The following RDH13 variants were observed in gnomAD, a reference collection of about 807,000 sequenced individuals.
RDH13 encodes retinol dehydrogenase 13.
Under a neutral mutation model 28.3 loss-of-function variants are expected in RDH13, and 35 were observed. That is an observed-to-expected ratio of 1.24 (90% CI 0.95 to 1.64). The LOEUF (loss-of-function observed/expected upper bound fraction) is 1.64. Among genes scored for constraint, RDH13 ranks in the 40% most tolerant of loss-of-function variants. The pLI is 0.00. For missense variants in RDH13, 514 were observed against 446.3 expected (o/e 1.15, Z -1.37); for synonymous variants, 229 against 198.5 (o/e 1.15, Z -1.29).
At chr19:55,049,087 GC>G (rs1299210435) in intron 3 of RDH13, among the ~76,000 whole-genome samples, 2 of 152,156 alleles carry the variant, frequency 1.3e-5, no homozygotes, top group African/African-American at 4.8e-5. Context: ...GAGGATTATG[GC>G]CCGTCTCACA....
At chr19:55,048,915 CATTA>C (rs1418376815) in intron 3 of RDH13, 152 bp from the exon 4 acceptor site, 3 of 684,282 alleles carry the variant, frequency 4.4e-6, no homozygotes, top group Non-Finnish European at 7.8e-6. Flanking sequence ...AGGATGCGGT[CATTA>C]GGGTGAGCCC....
rs1490141848 is a variant in RDH13 at position 55,045,139 on chromosome 19, C to T, written c.931G>A (p.Ala311Thr). The T allele has an allele frequency of 6.2e-7, 1 of 1,613,616 alleles. No homozygotes were observed. The highest frequency in any genetic ancestry group is 8.5e-7 in the Non-Finnish European group (1 of 1,179,990). ...AAGCCCACCAGGCGGGCACTTTCAG[C>T]CCAAAGCCTCCGGGCCACCTCCTCA... ...EDEEVARRLW[A>T]ESARLVGLEA... Residue 311 changes from alanine (A) to threonine (T), a missense_variant, in exon 7 of 7, where the codon GCT (alanine) becomes ACT (threonine). By Grantham distance (58) the Ala-to-Thr change is moderately conservative. Coordinates refer to ENST00000415061, the MANE Select transcript of RDH13 (RefSeq NM_001145971.2).
chr19:55,069,076 C>G (rs963334998), intron 1 of RDH13, among the ~76,000 whole-genome samples: 1 of 148,258 alleles, frequency 6.7e-6, no homozygotes, highest in African/African-American at 2.5e-5. Context: ...CCGTCACCAC[C>G]CCCCGCCCCG....
downstream of RDH13, among the ~76,000 whole-genome samples, chr19:55,043,511 G>A (rs200033188): frequency 1.9e-3 from 32 of 16,494 alleles, no homozygotes; most frequent in Middle Eastern, 0.057. Context: ...TGGTGATACC[G>A]TCTTTAATTA....
downstream of RDH13, chr19:55,039,391 G>A (rs947430272): frequency 6.6e-6 from 1 of 152,108 alleles, no homozygotes; most frequent in African/African-American, 2.4e-5. Context: ...AATTAGCTGG[G>A]CGTTAAATTA....
chr19:55,049,912 G>A (rs1420264926), intron 3 of RDH13, among the ~76,000 whole-genome samples: 2 of 150,964 alleles, frequency 1.3e-5, no homozygotes, highest in Non-Finnish European at 2.9e-5. Context: ...TTGGCTCACA[G>A]GTGACCATCT....
chr19:55,040,068 G>A (rs2074983827), downstream of RDH13, among the ~76,000 whole-genome samples: 1 of 152,222 alleles, frequency 6.6e-6, no homozygotes, highest in African/African-American at 2.4e-5. Flanking sequence ...GAGCGCTTAG[G>A]TTGAAGATGA....
chr19:55,043,667 C>T (rs376833447), downstream of RDH13, among the ~76,000 whole-genome samples: 1 of 152,132 alleles, frequency 6.6e-6, no homozygotes, highest in African/African-American at 2.4e-5. Context: ...GACTAGGTGG[C>T]TGTTCTGTGT....
At chr19:55,053,971 T>C (rs147345806) in intron 3 of RDH13, 2 of 152,316 alleles carry the variant, frequency 1.3e-5, no homozygotes, top group African/African-American at 4.8e-5. Context: ...TCACTGTTCT[T>C]TGTGATCTCA....
chr19:55,049,449 C>A (rs2075356632), intron 3 of RDH13, among the ~76,000 whole-genome samples: 2 of 152,288 alleles, frequency 1.3e-5, no homozygotes, highest in Admixed American at 6.5e-5. Context: ...CCCTGTACCA[C>A]TCAGCTCGGG....
At chr19:55,062,898 T>A in intron 1 of RDH13, 70 bp downstream of exon 1, 1 of 1,281,546 alleles carries the variant, frequency 7.8e-7, no homozygotes, top group Non-Finnish European at 1.0e-6. Flanking sequence ...GGCGGGGGTC[T>A]CCGCCGCCTT....
chr19:55,057,081 CTG>C (rs933763683), intron 2 of RDH13, among the ~76,000 whole-genome samples: 1 of 152,178 alleles, frequency 6.6e-6, no homozygotes, highest in South Asian at 2.1e-4. Flanking sequence ...GTCAGAAACA[CTG>C]TGCTCGGGGA....
intron 3 of RDH13, 68 bp downstream of exon 3, chr19:55,056,585 C>G: frequency 6.4e-7 from 1 of 1,560,482 alleles, no homozygotes; most frequent in Non-Finnish European, 8.7e-7. Flanking sequence ...GCTTCATTCA[C>G]TTCTCAGAGC....
chr19:55,055,179 G>C (rs570774015), intron 3 of RDH13, among the ~76,000 whole-genome samples: 3 of 152,034 alleles, frequency 2.0e-5, no homozygotes, highest in Non-Finnish European at 4.4e-5. Flanking sequence ...TTGAGACAGA[G>C]TCTCACTCTG....
chr19:55,064,489 A>AT (rs2147085866), upstream of RDH13: 1 of 152,284 alleles, frequency 6.6e-6, no homozygotes, highest in East Asian at 1.9e-4. Context: ...CAGTTACACA[A>AT]TGCCAAATGC....
At chr19:55,065,745 T>C (rs752845967), upstream of RDH13, among the ~76,000 whole-genome samples, 11 of 151,560 alleles carry the variant, frequency 7.3e-5, no homozygotes, top group Non-Finnish European at 1.3e-4. Context: ...TGTTTGAGAG[T>C]CTCTCTCCGA....
At chr19:55,061,302 T>C (rs192927892) in intron 1 of RDH13, among the ~76,000 whole-genome samples, 2 of 152,178 alleles carry the variant, frequency 1.3e-5, no homozygotes, top group African/African-American at 4.8e-5. Context: ...TAATTTCTTT[T>C]GTATTTTTAG....
At chr19:55,047,357 G>A (rs376124647) in intron 6 of RDH13, 30 bp downstream of exon 6, 20 of 1,604,484 alleles carry the variant, frequency 1.2e-5, no homozygotes, top group South Asian at 7.8e-5. Flanking sequence ...AGGGCTCCAC[G>A]TGGAGACCCC....
upstream of RDH13, among the ~76,000 whole-genome samples, chr19:55,065,194 G>A (rs1368291662): frequency 6.6e-6 from 1 of 151,192 alleles, no homozygotes; most frequent in East Asian, 2.0e-4. Context: ...AGAGCGGCCT[G>A]GACAACACGG....
Sources: gnomAD v4.1 joint callset for allele counts (sites outside exome capture counted in the v4.1 genomes callset) on GRCh38, gnomAD v4.1.1 for gene constraint, MANE v1.5 for transcripts, NCBI Gene and HGNC (gene_info 2026-07-23, HGNC 2026-07-21) for gene names.